Variants in LMOD3 observed in about 807,000 individuals in gnomAD.
The protein encoded by LMOD3 is leiomodin 3, also known as leiomodin-3.
A neutral mutation model predicts 41.8 loss-of-function variants in LMOD3; 31 were observed. That is an observed-to-expected ratio of 0.74 (90% confidence interval 0.56 to 1.00). The LOEUF is 1.00. Ranked by LOEUF, LMOD3 falls within the 50% of genes least tolerant of loss-of-function variation. LMOD3 has a pLI of 0.00. For missense variants in LMOD3, 755 were observed against 679.5 expected (o/e 1.11, Z -1.23); for synonymous variants, 292 against 241.9 (o/e 1.21, Z -1.92).
At chr3:69,120,605 T>C (rs2092403093) in intron 1 of LMOD3, among the ~76,000 whole-genome samples, 2 of 150,782 alleles carry the variant, frequency 1.3e-5, no homozygotes, top group East Asian at 3.9e-4. Flanking sequence ...TTGGAATATA[T>C]ATATATTTAA....
rs1268679971 is a variant in LMOD3, at chr3:69,122,098, ATTTCACAAAGG to A, written c.278_288del (p.Thr93IlefsTer10). ...GTACACAAATCTCTGGTTACCTCGG[ATTTCACAAAGG>A]TGACAGGAACTCGTTCCTCTTCCAG... On this transcript the variant is annotated frameshift_variant, in exon 1 of 3. Transcript: ENST00000420581. LOFTEE classifies it high-confidence loss of function. 1.2e-6 allele frequency: 2 copies of A among 1,609,614 alleles called. No homozygotes were observed. Among genetic ancestry groups the A allele is most frequent in the African/African-American group, 2.7e-5 (2 of 74,820 alleles).
At chr3:69,114,970 A>T (rs1356543579) in intron 2 of LMOD3, among the ~76,000 whole-genome samples, 8 of 152,168 alleles carry the variant, frequency 5.3e-5, no homozygotes, top group Admixed American at 5.2e-4. Flanking sequence ...AGCTCAAGTG[A>T]TCCTCCTGCC....
chr3:69,117,687 C>G (rs912284611), intron 2 of LMOD3, among the ~76,000 whole-genome samples: 1 of 152,112 alleles, frequency 6.6e-6, no homozygotes, highest in Non-Finnish European at 1.5e-5. Context: ...ATGGTGACAC[C>G]AACCTGAAGT....
Position 69,119,259 on chromosome 3 carries a change from C to T in LMOD3, c.1096G>A (p.Ala366Thr), listed in dbSNP as rs2092393902. The change falls in exon 2 of 3, where the codon GCA (alanine) becomes ACA (threonine). Residue 366 changes from alanine (A) to threonine (T), a missense_variant. Ala to Thr is a moderately conservative substitution (Grantham distance 58, BLOSUM62 0). Coordinates refer to ENST00000420581, the MANE Select transcript of LMOD3 (RefSeq NM_198271.5). ...AEMEIARLLKANNTLLKMGYH... is the reference protein window; with the variant it reads ...AEMEIARLLKTNNTLLKMGYH... ...CCCATCTTCAGGAGAGTGTTGTTTG[C>T]CTTCAAAAGCCTGGCTATTTCCATT... is the stretch of plus-strand genomic sequence containing the variant. 2 of 1,613,938 alleles carry T rather than the reference C, an allele frequency of 1.2e-6. No homozygotes were observed. The highest frequency in any genetic ancestry group is 1.7e-6 in the Non-Finnish European group (2 of 1,179,884).
rs2092362256 is a variant in LMOD3, at chr3:69,114,400, G to A, written c.1656+4299C>T. Among the ~76,000 whole-genome samples, 5 of 152,184 alleles carry A rather than the reference G, an allele frequency of 3.3e-5. 1 individual carries two copies. Among genetic ancestry groups the A allele is most frequent in the Non-Finnish European group, 7.3e-5 (5 of 68,046 alleles). The stretch of plus-strand genomic sequence containing the variant: ...TGAATTGAATGGGTAATTTCTCAGA[G>A]GAGGAAGCATTTGAGCAAAGCAAGT... On this transcript the variant is annotated intron_variant, in intron 2 of 2. Coordinates refer to ENST00000420581, the MANE Select transcript of LMOD3 (RefSeq NM_198271.5).
intron 2 of LMOD3, among the ~76,000 whole-genome samples, chr3:69,114,156 A>T (rs2092361272): frequency 6.6e-6 from 1 of 152,210 alleles, no homozygotes. Flanking sequence ...ACCAATGCAT[A>T]GAAACAGCTA....
chr3:69,122,086 T>C lies in LMOD3; in HGVS notation c.294+7A>G. Reference sequence around the variant, plus strand: ...CATTTCTCGGTTGTACACAAATCTCTGGTTACCTCGGATTTCACAAAGGTG... The same window carrying C: ...CATTTCTCGGTTGTACACAAATCTCCGGTTACCTCGGATTTCACAAAGGTG... On this transcript the variant is annotated splice_region_variant and intron_variant, in intron 1 of 2. Coordinates refer to ENST00000420581, the MANE Select transcript of LMOD3 (RefSeq NM_198271.5). 3 of 1,607,112 alleles carry C rather than the reference T, an allele frequency of 1.9e-6. No homozygotes were observed. The highest frequency in any genetic ancestry group is 1.7e-6 in the Non-Finnish European group (2 of 1,175,860).
In LMOD3 at chr3:69,107,332, T is replaced by G. The variant is rs1167708765; in HGVS notation, c.*1763A>C. 1 of 151,964 alleles carries G rather than the reference T, an allele frequency of 6.6e-6. No individual in the cohort carries two copies. The highest frequency in any genetic ancestry group is 1.5e-5 in the Non-Finnish European group (1 of 67,984). 9.4% of individuals were successfully genotyped at this position (151,964 alleles called of 1,614,324 possible). On this transcript the variant is annotated 3_prime_UTR_variant, in exon 3 of 3. Coordinates refer to ENST00000420581, the MANE Select transcript of LMOD3 (RefSeq NM_198271.5). ...TGTGTTGTTTTTAAGTCTGTCACAA[T>G]TAGACCTATTCTCCCCTAGCCTGTT... is the stretch of plus-strand genomic sequence containing the variant.
rs529668964 is a variant in LMOD3 at position 69,119,787 on chromosome 3, G to C, written c.568C>G (p.Gln190Glu). 1.2e-6 allele frequency: 2 copies of C among 1,609,496 alleles called. No individual in the cohort carries two copies. The highest frequency in any genetic ancestry group is 4.5e-5 in the East Asian group (2 of 44,706). Residue 190 changes from glutamine (Q) to glutamate (E), a missense_variant, in exon 2 of 3, where the codon CAG becomes GAG. Physicochemically the swap from Gln to Glu is conservative, Grantham distance 29. Coordinates refer to ENST00000420581, the MANE Select transcript of LMOD3 (RefSeq NM_198271.5). ...QIRNCENNCQ[Q>E]VTDKAFKEQR... ...TCTTTGAATGCTTTGTCAGTTACCT[G>C]CTGGCAGTTGTTCTCACAATTTCTA...
At chr3:69,113,868 G>A (rs1013928038) in intron 2 of LMOD3, among the ~76,000 whole-genome samples, 3 of 152,184 alleles carry the variant, frequency 2.0e-5, no homozygotes, top group Non-Finnish European at 4.4e-5. Flanking sequence ...TCACACATTT[G>A]TCAGGGAGGG....
At position 69,122,249 on chromosome 3, in the gene LMOD3, G is replaced by A. The variant is rs776597543; in HGVS notation, c.138C>T (p.Pro46=). Residue 46 remains proline, a synonymous_variant, in exon 1 of 3, where the codon CCC becomes CCT. Transcript: ENST00000420581. ...QSEMEVMAPD[P]SLPVGMIQKD... ...TCTGAATCATTCCCACGGGAAGGCT[G>A]GGGTCAGGGGCCATGACTTCCATTT... is the stretch of plus-strand genomic sequence containing the variant. The A allele has an allele frequency of 6.2e-7, 1 of 1,613,618 alleles. No individual in the cohort carries two copies. The highest frequency in any genetic ancestry group is 1.7e-5 in the Admixed American group (1 of 59,980).
At position 69,109,125 on chromosome 3, in the gene LMOD3, C is replaced by T. The variant is rs764007690; in HGVS notation, c.1657-4G>A. 6.9e-6 allele frequency: 11 copies of T among 1,601,454 alleles called. No homozygotes were observed. In the East Asian group the frequency reaches 1.3e-4, roughly 20 times the overall value. On this transcript the variant is annotated splice_polypyrimidine_tract_variant and splice_region_variant and intron_variant, in intron 2 of 2. Transcript: ENST00000420581. ...CCAGTTCTTTTGGCAGTTGCACCTG[C>T]GATTTAAGCATTTGAGGAAACGGGG...
intron 2 of LMOD3, among the ~76,000 whole-genome samples, chr3:69,111,204 C>G (rs2092348523): frequency 6.6e-6 from 1 of 152,134 alleles, no homozygotes; most frequent in African/African-American, 2.4e-5. Context: ...GCAGCCAGTT[C>G]TCAGCCCACG....
At position 69,119,038 on chromosome 3, in the gene LMOD3, T is replaced by G. The variant is rs1207681040; in HGVS notation, c.1317A>C (p.Pro439=). ...GGAAGAATTCCTGCATTCTGGAATC[T>G]GGCTTGGGTCCTCCCAACAGCTCCC... is the stretch of plus-strand genomic sequence containing the variant. ...GMWELLGGPK[P]DSRMQEFFQP... Residue 439 remains proline (P), a synonymous_variant, in exon 2 of 3, where the codon CCA becomes CCC. Coordinates refer to ENST00000420581, the MANE Select transcript of LMOD3 (RefSeq NM_198271.5). 1.2e-6 allele frequency: 2 copies of G among 1,613,754 alleles called. No homozygotes were observed. Among genetic ancestry groups the G allele is most frequent in the East Asian group, 4.5e-5 (2 of 44,862 alleles).
At position 69,121,957 on chromosome 3, in the gene LMOD3, T is replaced by C. The variant is rs527491112; in HGVS notation, c.294+136A>G. 5.4e-5 allele frequency: 35 copies of C among 647,780 alleles called. No homozygotes were observed. In the South Asian group the frequency reaches 7.5e-4, roughly 14 times the overall value. 40.1% of individuals were successfully genotyped at this position (647,780 alleles called of 1,614,324 possible). On this transcript the variant is annotated intron_variant, in intron 1 of 2. Transcript: ENST00000420581. ...GTTCCAGTCGGAGTAGGATTAAATA[T>C]TATGGTTTAATCTAGATATGGCAAA... is the stretch of plus-strand genomic sequence containing the variant.
intron 2 of LMOD3, among the ~76,000 whole-genome samples, chr3:69,113,020 G>A (rs1300792253): frequency 6.6e-6 from 1 of 152,144 alleles, no homozygotes; most frequent in Non-Finnish European, 1.5e-5. Context: ...TCCTATGGAG[G>A]CTCCCTTCAT....
intron 2 of LMOD3, among the ~76,000 whole-genome samples, chr3:69,115,463 T>C (rs532204651): frequency 1.6e-4 from 23 of 147,728 alleles, no homozygotes; most frequent in Non-Finnish European, 3.1e-4. Flanking sequence ...GCCTGGGTGA[T>C]AGAGTGAGAT....
chr3:69,110,593 A>C (rs2092344230), intron 2 of LMOD3, among the ~76,000 whole-genome samples: 1 of 149,300 alleles, frequency 6.7e-6, no homozygotes, highest in African/African-American at 2.5e-5. Flanking sequence ...CTGTAATTCC[A>C]GCACTTTGGG....
At chr3:69,109,960 C>G (rs865981182) in intron 2 of LMOD3, among the ~76,000 whole-genome samples, 5 of 152,038 alleles carry the variant, frequency 3.3e-5, no homozygotes, top group South Asian at 2.1e-4. Context: ...CCAGGTCTGC[C>G]TGATTTCAGT....
Sources: allele counts gnomAD v4.1 joint callset (sites outside exome capture counted in the v4.1 genomes callset), GRCh38; gene constraint gnomAD v4.1.1; transcripts MANE v1.5; gene names NCBI Gene and HGNC (gene_info 2026-07-23, HGNC 2026-07-21).